The following SETD2 variants were observed in gnomAD, a reference collection of about 807,000 sequenced individuals.
SETD2 encodes histone-lysine N-methyltransferase SETD2.
A neutral mutation model predicts 242.1 loss-of-function variants in SETD2; 31 were observed. The observed-to-expected ratio is 0.13, with a 90% confidence interval of 0.10 to 0.17. The LOEUF (loss-of-function observed/expected upper bound fraction) is 0.17, where lower values mean the gene tolerates loss of function less well. Ranked by LOEUF, SETD2 falls within the 10% of genes least tolerant of loss-of-function variation. SETD2 has a pLI of 1.00. For missense variants in SETD2, 2,481 were observed against 3,046.3 expected (o/e 0.81, Z 4.37); for synonymous variants, 1,006 against 1,066.5 (o/e 0.94, Z 1.11).
chr3:47,062,185 C>G lies in SETD2; in HGVS notation c.6271G>C (p.Gly2091Arg), dbSNP rs2107588689. Residue 2091 changes from glycine to arginine, a missense_variant, in exon 14 of 21, where the codon GGA becomes CGA. Around this residue, in one of 17 missense-constraint regions of SETD2, gnomAD observed 80 missense variants for 102.6 expected, o/e 0.78. Transcript: ENST00000409792. ...LSPPSSAYER[G>R]TKRPDDRYDT... ...TACCTGTCATCTGGCCTTTTTGTTC[C>G]CCGCTCATAGGCAGAAGAGGGTGGT... 1.2e-6 allele frequency: 2 copies of G among 1,613,154 alleles called. No individual in the cohort carries two copies. The highest frequency in any genetic ancestry group is 1.7e-6 in the Non-Finnish European group (2 of 1,179,784).
intron 9 of SETD2, among the ~76,000 whole-genome samples, chr3:47,093,928 T>A (rs890264078): frequency 2.0e-5 from 3 of 152,220 alleles, no homozygotes; most frequent in Non-Finnish European, 4.4e-5. Context: ...TTTCCACGTT[T>A]ATTGGCTATT....
chr3:47,065,516 A>C (rs568615615), intron 13 of SETD2, among the ~76,000 whole-genome samples: 75 of 152,232 alleles, frequency 4.9e-4, no homozygotes, highest in African/African-American at 1.8e-3. Flanking sequence ...GAAATTCTTA[A>C]GGCTGGGCAT....
chr3:47,140,725 G>T (rs1032684156), intron 1 of SETD2, among the ~76,000 whole-genome samples: 1 of 152,098 alleles, frequency 6.6e-6, no homozygotes, highest in African/African-American at 2.4e-5. Flanking sequence ...GCCAGGCATG[G>T]TGGCAGTCAT....
At chr3:47,102,140 G>C (rs2042238593) in intron 7 of SETD2, among the ~76,000 whole-genome samples, 1 of 152,200 alleles carries the variant, frequency 6.6e-6, no homozygotes, top group Non-Finnish European at 1.5e-5. Context: ...AGATCTTTTA[G>C]TTCCAAAACA....
chr3:47,052,013 AAAGCCTAGACTTCTAGGCTT>A (rs1301517691), intron 15 of SETD2, among the ~76,000 whole-genome samples: 2 of 152,198 alleles, frequency 1.3e-5, no homozygotes, highest in Admixed American at 6.5e-5. Context: ...ACTTATGTTA[AAAGCCTAGACTTCTAGGCTT>A]TTAACAGTAT....
At chr3:47,137,619 A>C (rs547367764) in intron 1 of SETD2, among the ~76,000 whole-genome samples, 1 of 152,316 alleles carries the variant, frequency 6.6e-6, no homozygotes, top group South Asian at 2.1e-4. Context: ...TCTTGTTTAC[A>C]GCTGCATTTA....
At chr3:47,054,129 A>G (rs1309603960) in intron 15 of SETD2, among the ~76,000 whole-genome samples, 6 of 152,210 alleles carry the variant, frequency 3.9e-5, no homozygotes, top group Non-Finnish European at 2.9e-5. Flanking sequence ...GAACGGAAGG[A>G]TAGTTGAACC....
intron 13 of SETD2, among the ~76,000 whole-genome samples, chr3:47,064,990 C>A (rs2040499230): frequency 6.6e-6 from 1 of 152,056 alleles, no homozygotes; most frequent in Non-Finnish European, 1.5e-5. Context: ...CAAAATATTT[C>A]TCCACAATAA....
chr3:47,042,055 T>G (rs1364118895), intron 17 of SETD2, among the ~76,000 whole-genome samples: 1 of 152,214 alleles, frequency 6.6e-6, no homozygotes. Context: ...CCAAGAGTCT[T>G]GCAGATTAGA....
At chr3:47,060,787 CAA>C (rs1452381894) in intron 14 of SETD2, among the ~76,000 whole-genome samples, 1 of 151,534 alleles carries the variant, frequency 6.6e-6, no homozygotes, top group Non-Finnish European at 1.5e-5. Flanking sequence ...TCAAAAGGTA[CAA>C]AAAGTGTCAA....
intron 15 of SETD2, among the ~76,000 whole-genome samples, chr3:47,053,434 CTT>C (rs2039933283): frequency 6.6e-6 from 1 of 152,170 alleles, no homozygotes; most frequent in Non-Finnish European, 1.5e-5. Context: ...CACTCAAACT[CTT>C]GAGATGTAAT....
chr3:47,039,831 C>A lies in SETD2; in HGVS notation c.7239-2054G>T, dbSNP rs1419228882. ...CCTGGAGGCAGAGGTTGCAGTGAGC[C>A]GAGATCACGCCACTGCACTCCAGCG... is the stretch of plus-strand genomic sequence containing the variant. On this transcript the variant is annotated intron_variant, in intron 17 of 20. Coordinates refer to ENST00000409792, the MANE Select transcript of SETD2 (RefSeq NM_014159.7). Among the ~76,000 whole-genome samples, 4 of 144,138 alleles carry A rather than the reference C, an allele frequency of 2.8e-5. 1 individual carries two copies. The Middle Eastern group carries it at 0.011, about 400-fold the overall frequency. 94.6% of individuals were successfully genotyped at this position (144,138 alleles called of 152,430 possible).
chr3:47,070,835 A>C (rs1300194193), intron 12 of SETD2, among the ~76,000 whole-genome samples: 1 of 152,232 alleles, frequency 6.6e-6, no homozygotes, highest in Non-Finnish European at 1.5e-5. Context: ...ATAAGGTCTC[A>C]AAATGTTATT....
chr3:47,097,094 A>T (rs1380912979), intron 9 of SETD2, among the ~76,000 whole-genome samples: 1 of 152,196 alleles, frequency 6.6e-6, no homozygotes, highest in Non-Finnish European at 1.5e-5. Flanking sequence ...AATTGCTGTC[A>T]TCTATAGTTC....
chr3:47,029,540 G>A (rs1432645631), intron 18 of SETD2, among the ~76,000 whole-genome samples: 1 of 149,666 alleles, frequency 6.7e-6, no homozygotes, highest in South Asian at 2.1e-4. Flanking sequence ...TCTGCATATA[G>A]AATACCTGGG....
In SETD2 at chr3:47,121,300, C is replaced by T. The variant is rs1410754283; in HGVS notation, c.3336G>A (p.Leu1112=). The T allele has an allele frequency of 6.2e-7, 1 of 1,612,840 alleles. No individual in the cohort carries two copies. Among genetic ancestry groups the T allele is most frequent in the Non-Finnish European group, 8.5e-7 (1 of 1,179,974 alleles). ...CTATACTTTCAAATTTTTCCTCATACAAATGTCTCCTTGACTCCAATCTCT... is the reference window on the plus strand; with the variant it reads ...CTATACTTTCAAATTTTTCCTCATATAAATGTCTCCTTGACTCCAATCTCT... ...EDERLESRRH[L]YEEKFESIAS... The change falls in exon 3 of 21, where the codon TTG becomes TTA. Residue 1112 remains leucine, a synonymous_variant. Transcript: ENST00000409792.
chr3:47,085,561 C>T (rs952079164), intron 11 of SETD2, among the ~76,000 whole-genome samples: 4 of 152,224 alleles, frequency 2.6e-5, no homozygotes, highest in Admixed American at 6.5e-5. Flanking sequence ...CAAGCCAAAT[C>T]TCCTGGGAGA....
chr3:47,138,658 T>A (rs1209939145), intron 1 of SETD2, among the ~76,000 whole-genome samples: 1 of 151,922 alleles, frequency 6.6e-6, no homozygotes, highest in Non-Finnish European at 1.5e-5. Flanking sequence ...CAAACTCTGG[T>A]GATTCACCCA....
chr3:47,126,312 T>C (rs980721750), intron 2 of SETD2, among the ~76,000 whole-genome samples: 1 of 152,194 alleles, frequency 6.6e-6, no homozygotes. Flanking sequence ...ATGAGCCAAA[T>C]ACTTTTAAGA....
Sources: gnomAD v4.1 joint callset for allele counts (sites outside exome capture counted in the v4.1 genomes callset) on GRCh38, gnomAD v4.1.1 for gene constraint, gnomAD v4.1.1 regional missense constraint, MANE v1.5 for transcripts, NCBI Gene and HGNC (gene_info 2026-07-23, HGNC 2026-07-21) for gene names.